HDAC9: variants seen among roughly 807,000 people sequenced by gnomAD.
The protein encoded by HDAC9 is MEF-2 interacting transcription repressor (MITR) protein.
HDAC9 carries 41 observed loss-of-function variants against 139.4 expected under a neutral mutation model. The ratio of observed to expected loss-of-function variants is 0.29; its 90% CI spans 0.23 to 0.38. The LOEUF (loss-of-function observed/expected upper bound fraction) is 0.38. Ranked by LOEUF, HDAC9 falls within the 10% of genes least tolerant of loss-of-function variation. HDAC9 has a pLI of 1.00. For missense variants in HDAC9, 1,147 were observed against 1,297.0 expected (o/e 0.88, Z 1.78); for synonymous variants, 517 against 476.2 (o/e 1.09, Z -1.12).
intron 1 of HDAC9, among the ~76,000 whole-genome samples, chr7:18,392,024 A>T (rs1297524703): frequency 6.6e-6 from 1 of 152,128 alleles, no homozygotes; most frequent in African/African-American, 2.4e-5. Context: ...CCTCATCCTC[A>T]TAATTTAACT....
chr7:18,121,923 C>G (rs890515028), intron 1 of HDAC9, among the ~76,000 whole-genome samples: 2 of 152,102 alleles, frequency 1.3e-5, no homozygotes, highest in African/African-American at 2.4e-5. Flanking sequence ...AAAAGATGAA[C>G]TTTTCTATGT....
intron 2 of HDAC9, among the ~76,000 whole-genome samples, chr7:18,585,046 T>A (rs1207040500): frequency 6.6e-6 from 1 of 152,144 alleles, no homozygotes; most frequent in African/African-American, 2.4e-5. Flanking sequence ...AAGGAAATTG[T>A]GGAGGATTCA....
chr7:18,211,875 A>G (rs1791962143), intron 2 of HDAC9, among the ~76,000 whole-genome samples: 1 of 152,196 alleles, frequency 6.6e-6, no homozygotes, highest in African/African-American at 2.4e-5. Context: ...AGAGGGCGTC[A>G]GAAGTTCTGG....
At chr7:18,550,306 G>A (rs374291556) in intron 2 of HDAC9, among the ~76,000 whole-genome samples, 547 of 151,580 alleles carry the variant, frequency 3.6e-3, no homozygotes, top group African/African-American at 0.011. Flanking sequence ...CATTTTTTTC[G>A]TTCCATTCTA....
intron 21 of HDAC9, among the ~76,000 whole-genome samples, chr7:18,849,846 T>C (rs904741556): frequency 3.3e-5 from 5 of 151,822 alleles, no homozygotes; most frequent in Admixed American, 3.3e-4. Context: ...GCTTTGGGAG[T>C]GGACCCTATG....
chr7:18,924,865 C>G (rs546797437), intron 22 of HDAC9, among the ~76,000 whole-genome samples: 51 of 152,150 alleles, frequency 3.4e-4, no homozygotes, highest in African/African-American at 1.2e-3. Flanking sequence ...AGTGCATAAG[C>G]TTTTTGGCAA....
intron 1 of HDAC9, among the ~76,000 whole-genome samples, chr7:18,157,216 G>A (rs1787278706): frequency 6.6e-6 from 1 of 152,226 alleles, no homozygotes; most frequent in South Asian, 2.1e-4. Context: ...CAGCTGATAT[G>A]TTTTAGTAAG....
At chr7:18,649,310 C>T (rs1195826921) in intron 11 of HDAC9, among the ~76,000 whole-genome samples, 1 of 152,128 alleles carries the variant, frequency 6.6e-6, no homozygotes, top group Admixed American at 6.6e-5. Flanking sequence ...TAATATCAGA[C>T]AGGCCAGTAA....
At chr7:18,547,279 A>G (rs985330851) in intron 2 of HDAC9, among the ~76,000 whole-genome samples, 1 of 152,074 alleles carries the variant, frequency 6.6e-6, no homozygotes, top group Non-Finnish European at 1.5e-5. Flanking sequence ...TCTGTTGCCC[A>G]GGCTGGAGTG....
intron 2 of HDAC9, among the ~76,000 whole-genome samples, chr7:18,272,099 G>A (rs974209952): frequency 4.6e-5 from 7 of 152,172 alleles, no homozygotes; most frequent in African/African-American, 1.7e-4. Flanking sequence ...GTGAATTTTA[G>A]TAATATCATA....
intron 1 of HDAC9, among the ~76,000 whole-genome samples, chr7:18,374,529 G>A (rs1444394971): frequency 1.3e-5 from 2 of 151,828 alleles, no homozygotes; most frequent in Non-Finnish European, 2.9e-5. Flanking sequence ...GTAAAACAAT[G>A]GTAAGTATTT....
intron 2 of HDAC9, among the ~76,000 whole-genome samples, chr7:18,231,725 G>A (rs1246171390): frequency 6.6e-6 from 1 of 152,166 alleles, no homozygotes; most frequent in Non-Finnish European, 1.5e-5. Context: ...GAAAATTGAT[G>A]CAGAAGGAAA....
intron 14 of HDAC9, among the ~76,000 whole-genome samples, chr7:18,752,201 A>G (rs1199035821): frequency 6.6e-6 from 1 of 152,126 alleles, no homozygotes; most frequent in Non-Finnish European, 1.5e-5. Flanking sequence ...TTGTTGAAGA[A>G]TCAGGAGAAA....
At chr7:18,496,365 AG>A in intron 2 of HDAC9, 41 bp downstream of exon 2, 2 of 1,572,208 alleles carry the variant, frequency 1.3e-6, no homozygotes, top group Non-Finnish European at 8.7e-7. Context: ...TAGGTTTGAA[AG>A]GGGGCTGGCT....
At chr7:18,518,790 G>A (rs1804044339) in intron 2 of HDAC9, among the ~76,000 whole-genome samples, 1 of 152,192 alleles carries the variant, frequency 6.6e-6, no homozygotes, top group Non-Finnish European at 1.5e-5. Context: ...TTTAAAATCA[G>A]AGATGTATCT....
At chr7:18,459,292 A>G (rs1184353291) in intron 1 of HDAC9, among the ~76,000 whole-genome samples, 1 of 152,198 alleles carries the variant, frequency 6.6e-6, no homozygotes, top group Non-Finnish European at 1.5e-5. Context: ...TAAAATGCTA[A>G]GAATTAACTC....
At chr7:18,550,180 C>T (rs776466425) in intron 2 of HDAC9, among the ~76,000 whole-genome samples, 1 of 152,134 alleles carries the variant, frequency 6.6e-6, no homozygotes, top group Non-Finnish European at 1.5e-5. Flanking sequence ...GAACCTAAAG[C>T]AGAGAAAGTT....
chr7:18,110,873 G>C (rs1234421368), intron 1 of HDAC9, among the ~76,000 whole-genome samples: 1 of 152,148 alleles, frequency 6.6e-6, no homozygotes, highest in Non-Finnish European at 1.5e-5. Flanking sequence ...GATGAGGAAC[G>C]GAGATGATAA....
At chr7:18,910,715 A>G (rs1167076978) in intron 22 of HDAC9, among the ~76,000 whole-genome samples, 2 of 151,902 alleles carry the variant, frequency 1.3e-5, no homozygotes, top group East Asian at 1.9e-4. Flanking sequence ...TGATGATCGT[A>G]TGGCTTTCAT....
Sources: gnomAD v4.1 joint callset for allele counts (sites outside exome capture counted in the v4.1 genomes callset) on GRCh38, gnomAD v4.1.1 for gene constraint, MANE v1.5 for transcripts, NCBI Gene and HGNC (gene_info 2026-07-23, HGNC 2026-07-21) for gene names.